The following SCLT1 variants were observed in gnomAD, a reference collection of about 807,000 sequenced individuals.
SCLT1 encodes sodium channel-associated protein 1.
A neutral mutation model predicts 112.8 loss-of-function variants in SCLT1; 78 were observed. That is an observed-to-expected ratio of 0.69 (90% confidence interval 0.58 to 0.83). SCLT1 has a LOEUF of 0.83. Ranked by LOEUF, SCLT1 falls within the 40% of genes least tolerant of loss-of-function variation. The pLI, the probability that SCLT1 is intolerant of heterozygous loss-of-function variation, is 0.00. For missense variants in SCLT1, 747 were observed against 770.4 expected (o/e 0.97, Z 0.36); for synonymous variants, 257 against 254.7 (o/e 1.01, Z -0.09).
intron 18 of SCLT1, among the ~76,000 whole-genome samples, chr4:128,910,465 T>G (rs1284787590): frequency 6.6e-6 from 1 of 152,262 alleles, no homozygotes; most frequent in Non-Finnish European, 1.5e-5. Flanking sequence ...GTTAACCTTT[T>G]AATGTGGAAC....
downstream of SCLT1, among the ~76,000 whole-genome samples, chr4:128,880,884 A>C (rs191564184): frequency 7.2e-5 from 11 of 152,278 alleles, no homozygotes; most frequent in Admixed American, 2.0e-4. Context: ...AGCCGTATCT[A>C]TTCTCTGGAG....
intron 9 of SCLT1, among the ~76,000 whole-genome samples, chr4:128,991,157 C>T (rs1463278343): frequency 6.6e-6 from 1 of 151,996 alleles, no homozygotes; most frequent in South Asian, 2.1e-4. Context: ...CTAGAGGCAT[C>T]ACATTAACTG....
chr4:129,043,889 A>C (rs1403524555), intron 3 of SCLT1, 104 bp downstream of exon 3: 1 of 654,380 alleles, frequency 1.5e-6, no homozygotes, highest in Non-Finnish European at 2.7e-6. Flanking sequence ...AAAGCATTTA[A>C]GTTTAATAAC....
chr4:128,920,615 C>T (rs906978642), intron 18 of SCLT1, among the ~76,000 whole-genome samples: 6 of 152,146 alleles, frequency 3.9e-5, no homozygotes, highest in South Asian at 2.1e-4. Flanking sequence ...TTCAATATCC[C>T]CTCATGTTAA....
intron 11 of SCLT1, among the ~76,000 whole-genome samples, chr4:128,960,947 A>AAG (rs1739665115): frequency 6.7e-6 from 1 of 149,956 alleles, no homozygotes; most frequent in Non-Finnish European, 1.5e-5. Flanking sequence ...AAAAAAAAAA[A>AAG]AGAACTCTAA....
intron 5 of SCLT1, among the ~76,000 whole-genome samples, chr4:129,029,642 C>T (rs1196692400): frequency 6.6e-6 from 1 of 151,782 alleles, no homozygotes; most frequent in Non-Finnish European, 1.5e-5. Context: ...CCAATCTGCA[C>T]ATTGTGCACA....
chr4:129,075,750 T>G (rs1751408728), intron 2 of SCLT1, among the ~76,000 whole-genome samples: 1 of 152,222 alleles, frequency 6.6e-6, no homozygotes, highest in African/African-American at 2.4e-5. Flanking sequence ...AGAAAGCTAA[T>G]AATCTGATTC....
chr4:129,049,518 C>T (rs6534707), intron 2 of SCLT1, among the ~76,000 whole-genome samples: 102,849 of 142,866 alleles, frequency 0.72, 39,061 homozygotes, highest in South Asian at 0.9. Context: ...TTAGGAGATA[C>T]ACCTAACGCT....
intron 5 of SCLT1, among the ~76,000 whole-genome samples, chr4:129,005,398 A>C (rs1030065899): frequency 1.1e-4 from 17 of 152,228 alleles, no homozygotes; most frequent in African/African-American, 3.9e-4. Context: ...TTACGCAGCC[A>C]AAAGACACAT....
At chr4:128,918,183 AATAG>A (rs1162280804) in intron 18 of SCLT1, among the ~76,000 whole-genome samples, 1 of 152,188 alleles carries the variant, frequency 6.6e-6, no homozygotes, top group Non-Finnish European at 1.5e-5. Context: ...ATTACTAATA[AATAG>A]ATAGAGAAAC....
intron 5 of SCLT1, among the ~76,000 whole-genome samples, chr4:129,032,284 C>T (rs955088068): frequency 2.5e-4 from 38 of 152,012 alleles, no homozygotes; most frequent in Middle Eastern, 3.4e-3. Flanking sequence ...CTGGCTAGCC[C>T]TATGCAGTAA....
chr4:128,924,052 T>C (rs1736100503), intron 18 of SCLT1, among the ~76,000 whole-genome samples: 1 of 152,062 alleles, frequency 6.6e-6, no homozygotes, highest in Non-Finnish European at 1.5e-5. Flanking sequence ...TGTGTTTTCA[T>C]TTCTCTTGGG....
At chr4:128,948,078 T>A (rs1474663967) in intron 15 of SCLT1, among the ~76,000 whole-genome samples, 1 of 151,876 alleles carries the variant, frequency 6.6e-6, no homozygotes, top group Non-Finnish European at 1.5e-5. Context: ...AGACTCTGAA[T>A]ATATTTAAGA....
At chr4:128,879,536 C>G (rs1732594852), downstream of SCLT1, among the ~76,000 whole-genome samples, 1 of 152,198 alleles carries the variant, frequency 6.6e-6, no homozygotes, top group South Asian at 2.1e-4. Context: ...CACCTGCCAG[C>G]TATGTGACCC....
At chr4:128,992,356 T>C (rs1248321141) in intron 8 of SCLT1, 119 bp from the exon 9 acceptor site, 4 of 607,504 alleles carry the variant, frequency 6.6e-6, no homozygotes, top group Non-Finnish European at 1.1e-5. Context: ...AAAGATTAGA[T>C]TTTTTGAGGG....
chr4:128,927,385 G>C (rs1174358739), intron 18 of SCLT1, among the ~76,000 whole-genome samples: 1 of 151,928 alleles, frequency 6.6e-6, no homozygotes, highest in African/African-American at 2.4e-5. Flanking sequence ...GACCAGACTG[G>C]GCAACATAAT....
At chr4:128,983,223 T>C (rs1195387545) in intron 9 of SCLT1, among the ~76,000 whole-genome samples, 1 of 152,166 alleles carries the variant, frequency 6.6e-6, no homozygotes, top group African/African-American at 2.4e-5. Context: ...TTTTAAAAGA[T>C]AACATTGGTT....
intron 2 of SCLT1, among the ~76,000 whole-genome samples, chr4:129,065,464 G>C (rs569387994): frequency 1.3e-5 from 2 of 152,004 alleles, no homozygotes; most frequent in South Asian, 4.1e-4. Context: ...TTTTGTAAAG[G>C]GCCTGACCAT....
At chr4:128,881,306 T>C (rs916667005), downstream of SCLT1, among the ~76,000 whole-genome samples, 2 of 152,214 alleles carry the variant, frequency 1.3e-5, no homozygotes, top group Non-Finnish European at 2.9e-5. Flanking sequence ...AAAAAAATGA[T>C]AAAAGACATT....
Sources: allele counts gnomAD v4.1 joint callset (sites outside exome capture counted in the v4.1 genomes callset), GRCh38; gene constraint gnomAD v4.1.1; transcripts MANE v1.5; gene names NCBI Gene and HGNC (gene_info 2026-07-23, HGNC 2026-07-21).